Variants in OLFM3 observed in about 807,000 individuals in gnomAD.
The protein encoded by OLFM3 is noelin-3.
A neutral mutation model predicts 48.6 loss-of-function variants in OLFM3; 20 were observed. The ratio of observed to expected loss-of-function variants is 0.41; its 90% CI spans 0.29 to 0.60. OLFM3 has a LOEUF of 0.60. Ranked by LOEUF, OLFM3 falls within the 20% of genes least tolerant of loss-of-function variation. The pLI, the probability that OLFM3 is intolerant of heterozygous loss-of-function variation, is 0.28. For missense variants in OLFM3, 437 were observed against 544.3 expected, an observed-to-expected ratio of 0.80 and a Z score of 1.96; for synonymous variants, 222 against 198.1, an observed-to-expected ratio of 1.12 and a Z score of -1.01.
At chr1:101,965,488 G>A (rs1047148403) in intron 1 of OLFM3, among the ~76,000 whole-genome samples, 2 of 152,192 alleles carry the variant, frequency 1.3e-5, no homozygotes, top group South Asian at 2.1e-4. Context: ...CAGTTATTGT[G>A]TAAAATTAGC....
chr1:101,828,046 G>C (rs375231972), intron 3 of OLFM3, among the ~76,000 whole-genome samples: 42,246 of 129,470 alleles, frequency 0.33, 6,788 homozygotes, highest in Non-Finnish European at 0.38. Context: ...CTGTCTGTCT[G>C]TCTGTCTCTC....
chr1:101,963,342 A>C (rs1660518898), intron 1 of OLFM3, among the ~76,000 whole-genome samples: 1 of 152,194 alleles, frequency 6.6e-6, no homozygotes, highest in Non-Finnish European at 1.5e-5. Context: ...AATTCTTTTC[A>C]GGTGGGAGGG....
At chr1:101,897,715 G>A (rs1658252819) in intron 1 of OLFM3, among the ~76,000 whole-genome samples, 1 of 152,044 alleles carries the variant, frequency 6.6e-6, no homozygotes, top group Admixed American at 6.5e-5. Flanking sequence ...AAATAACATT[G>A]TTCTACATTA....
chr1:101,855,262 A>C (rs1395897160), intron 1 of OLFM3, among the ~76,000 whole-genome samples: 1 of 152,072 alleles, frequency 6.6e-6, no homozygotes, highest in Admixed American at 6.6e-5. Flanking sequence ...TTTAATCCTC[A>C]GACAAACCCG....
intron 1 of OLFM3, among the ~76,000 whole-genome samples, chr1:101,852,358 C>A (rs1218625649): frequency 1.3e-5 from 2 of 152,082 alleles, no homozygotes; most frequent in African/African-American, 4.8e-5. Context: ...GCAGTCAATT[C>A]TCAGTCCCCA....
intron 1 of OLFM3, among the ~76,000 whole-genome samples, chr1:101,924,382 C>T (rs1043720462): frequency 2.6e-4 from 40 of 151,850 alleles, no homozygotes; most frequent in Admixed American, 1.4e-3. Flanking sequence ...ACTTTTGTTT[C>T]GACATTGAAT....
At chr1:101,924,614 A>G (rs1659206841) in intron 1 of OLFM3, among the ~76,000 whole-genome samples, 1 of 152,166 alleles carries the variant, frequency 6.6e-6, no homozygotes, top group Non-Finnish European at 1.5e-5. Flanking sequence ...TCTATGCAAC[A>G]CTGTCATTCC....
chr1:101,840,300 A>G lies in OLFM3; in HGVS notation c.70-3275T>C, dbSNP rs545225672. Among the ~76,000 whole-genome samples the G allele has an allele frequency of 1.1e-4, 17 of 152,294 alleles. No homozygotes were observed. The East Asian group carries it at 2.9e-3, about 26-fold the overall frequency. On this transcript the variant is annotated intron_variant, in intron 1 of 5. Coordinates refer to ENST00000370103, the MANE Select transcript of OLFM3 (RefSeq NM_058170.4). ...TGCTTTCGAATATTATAATACACCT[A>G]TGGACTAGGTGGTGGTATTCTGCCC...
At chr1:101,963,317 T>C (rs1447358165) in intron 1 of OLFM3, among the ~76,000 whole-genome samples, 2 of 152,224 alleles carry the variant, frequency 1.3e-5, no homozygotes, top group South Asian at 2.1e-4. Context: ...AAATCAGCTT[T>C]TCCCTTGACC....
chr1:101,989,349 A>T (rs755941595), intron 1 of OLFM3, among the ~76,000 whole-genome samples: 2 of 152,080 alleles, frequency 1.3e-5, no homozygotes, highest in Non-Finnish European at 2.9e-5. Flanking sequence ...TCAATTTTTT[A>T]TTATTTCAGC....
At chr1:101,915,184 C>T (rs115082777) in intron 1 of OLFM3, among the ~76,000 whole-genome samples, 1,657 of 152,134 alleles carry the variant, frequency 0.011, 33 homozygotes, top group African/African-American at 0.037. Flanking sequence ...AGATATTACG[C>T]TAATATCAAA....
chr1:101,934,617 T>C (rs535644335), intron 1 of OLFM3, among the ~76,000 whole-genome samples: 1 of 152,166 alleles, frequency 6.6e-6, no homozygotes, highest in African/African-American at 2.4e-5. Flanking sequence ...CTTGACCAAA[T>C]AGGCTTAACA....
intron 1 of OLFM3, among the ~76,000 whole-genome samples, chr1:101,862,027 G>A (rs1439209832): frequency 6.6e-6 from 1 of 152,184 alleles, no homozygotes. Context: ...AAGAAGAATC[G>A]TGATAGTGCT....
At chr1:101,968,945 G>C (rs572135607) in intron 1 of OLFM3, among the ~76,000 whole-genome samples, 2 of 152,328 alleles carry the variant, frequency 1.3e-5, no homozygotes, top group South Asian at 4.1e-4. Context: ...ATTCCTGCTT[G>C]AGATAGCTCC....
intron 1 of OLFM3, among the ~76,000 whole-genome samples, chr1:101,841,648 G>A (rs7529382): frequency 0.021 from 3,205 of 152,274 alleles, 106 homozygotes; most frequent in African/African-American, 0.073. Flanking sequence ...AGATATTCCT[G>A]TGGAAGGCAC....
At chr1:101,984,135 G>A (rs903968450) in intron 1 of OLFM3, among the ~76,000 whole-genome samples, 10 of 151,722 alleles carry the variant, frequency 6.6e-5, no homozygotes, top group Admixed American at 1.3e-4. Flanking sequence ...AGCTACTTGG[G>A]AGGCTGAGGC....
chr1:101,911,655 T>C (rs1658763656), intron 1 of OLFM3, among the ~76,000 whole-genome samples: 1 of 152,156 alleles, frequency 6.6e-6, no homozygotes, highest in Non-Finnish European at 1.5e-5. Context: ...GCTTTACACA[T>C]ACAGTTAATG....
chr1:101,836,273 A>G (rs542510652), intron 2 of OLFM3, among the ~76,000 whole-genome samples: 1 of 152,334 alleles, frequency 6.6e-6, no homozygotes, highest in South Asian at 2.1e-4. Context: ...ACTAAACATA[A>G]ATAACCTTTC....
chr1:101,839,656 G>A (rs888966854), intron 1 of OLFM3, among the ~76,000 whole-genome samples: 1 of 152,138 alleles, frequency 6.6e-6, no homozygotes, highest in African/African-American at 2.4e-5. Context: ...TAATATTGAC[G>A]TGCACTTGCC....
Sources: allele counts gnomAD v4.1 joint callset (sites outside exome capture counted in the v4.1 genomes callset), GRCh38; gene constraint gnomAD v4.1.1; transcripts MANE v1.5; gene names NCBI Gene and HGNC (gene_info 2026-07-23, HGNC 2026-07-21).